The following TRIM5 variants were observed in gnomAD, a reference collection of about 807,000 sequenced individuals.
The protein encoded by TRIM5 is tripartite motif-containing protein 5.
A neutral mutation model predicts 35.6 loss-of-function variants in TRIM5; 31 were observed. The ratio of observed to expected loss-of-function variants is 0.87; its 90% CI spans 0.65 to 1.18. The LOEUF (loss-of-function observed/expected upper bound fraction) is 1.18, where lower values mean the gene tolerates loss of function less well. Among genes scored for constraint, TRIM5 ranks in the 50% most tolerant of loss-of-function variants. The pLI is 0.00. For synonymous variants in TRIM5, 243 were observed against 215.6 expected, an observed-to-expected ratio of 1.13 and a Z score of -1.11; for missense variants, 609 against 591.6, an observed-to-expected ratio of 1.03 and a Z score of -0.31.
the TRIM5 span, chr11:5,641,295 A>G: frequency 6.3e-7 from 1 of 1,581,308 alleles, no homozygotes; most frequent in Non-Finnish European, 8.6e-7. Flanking sequence ...CCAGAGTAGT[A>G]AAATTTGGAT....
At position 5,663,434 on chromosome 11, in the gene TRIM5, T is replaced by C. The variant is rs1411533084; in HGVS notation, c.*1375A>G. ...ACAGTAGTATCTGAGATCTAAAAAA[T>C]GAGAATTTAGTAAATCCAATCCTAG... On this transcript the variant is annotated 3_prime_UTR_variant, in exon 8 of 8. Coordinates refer to ENST00000380034, the MANE Select transcript of TRIM5 (RefSeq NM_033034.3). 1.1e-5 allele frequency: 11 copies of C among 985,028 alleles called. No homozygotes were observed. Among genetic ancestry groups the C allele is most frequent in the Non-Finnish European group, 1.2e-5 (10 of 829,688 alleles). The allele number at this position is 985,028 out of a possible 1,614,324, so 61.0% of individuals were successfully genotyped here. A position where few individuals can be genotyped will look rare whatever the true frequency, so the allele number is the denominator to read the frequency against.
chr11:5,654,235 C>A, the TRIM5 span, among the ~76,000 whole-genome samples: 1 of 146,678 alleles, frequency 6.8e-6, no homozygotes, highest in Admixed American at 6.7e-5. Context: ...TTTTTTGTTT[C>A]TTTTGTTCTT....
chr11:5,610,870 G>C, the TRIM5 span: 1 of 1,614,136 alleles, frequency 6.2e-7, no homozygotes, highest in Non-Finnish European at 8.5e-7. Context: ...AAAGTATCTG[G>C]ACCTTCCTGT....
At chr11:5,650,520 T>C in the TRIM5 span, among the ~76,000 whole-genome samples, 2 of 152,312 alleles carry the variant, frequency 1.3e-5, no homozygotes, top group South Asian at 4.1e-4. Context: ...CATCAACTGA[T>C]TGTAGATAAT....
In TRIM5 at chr11:5,679,848, C is replaced by A. The variant is rs1564924763; in HGVS notation, c.330G>T (p.Gly110=). Residue 110 remains glycine (G), a synonymous_variant, in exon 2 of 8, where the codon GGG becomes GGT. Transcript: ENST00000380034. ...GCTCACAAAGCCAGCAAATGACCTT[C>A]CCGTCCTCCTGACAGAAGAGTAGAA... The part of the protein sequence containing the change: ...EKLLLFCQED[G]KVICWLCERS... 5.0e-6 allele frequency: 8 copies of A among 1,613,694 alleles called. No individual in the cohort carries two copies. The highest frequency in any genetic ancestry group is 6.8e-6 in the Non-Finnish European group (8 of 1,179,954).
chr11:5,643,382 A>T, the TRIM5 span: 2 of 1,614,126 alleles, frequency 1.2e-6, no homozygotes, highest in Non-Finnish European at 1.7e-6. Context: ...TTGTTAGAAG[A>T]TGTGCAAATC....
chr11:5,628,511 G>A, the TRIM5 span, among the ~76,000 whole-genome samples: 1 of 152,134 alleles, frequency 6.6e-6, no homozygotes, highest in Non-Finnish European at 1.5e-5. Context: ...TCAACTTTCA[G>A]CTTTTTTTCC....
Position 5,678,280 on chromosome 11 carries a change from T to A in TRIM5, c.668A>T (p.Gln223Leu), listed in dbSNP as rs774429176. Residue 223 changes from glutamine to leucine, a missense_variant, in exon 4 of 8, where the codon CAG becomes CTG. Transcript: ENST00000380034. ...SLTNSETEMV[Q>L]QTQSLRELIS... ...GAGCTCTCTCAGGGACTGGGTCTGC[T>A]GCACCATCTCAGTTTCAGAGTTCGT... 127 of 1,614,088 alleles carry A rather than the reference T, an allele frequency of 7.9e-5. No individual in the cohort carries two copies. The highest frequency in any genetic ancestry group is 1.0e-4 in the Non-Finnish European group (123 of 1,180,024).
Position 5,684,396 on chromosome 11 carries a change from T to G in TRIM5, c.-62+472A>C, listed in dbSNP as rs184706418. ...TTTCCCATTATCTTTGTAACCAATA[T>G]GAACTAGGGAAAGAACTCCATTTAC... On this transcript the variant is annotated intron_variant, in intron 1 of 7. Coordinates refer to ENST00000380034, the MANE Select transcript of TRIM5 (RefSeq NM_033034.3). 4.4e-4 allele frequency among the ~76,000 whole-genome samples: 60 copies of G among 135,954 alleles called. 1 individual carries two copies. The highest frequency in any genetic ancestry group is 7.4e-4 in the Non-Finnish European group (46 of 62,450). 89.2% of individuals were successfully genotyped at this position (135,954 alleles called of 152,430 possible).
At chr11:5,670,170 CTTTTTTTTTTT>C (rs3060972) in intron 4 of TRIM5, among the ~76,000 whole-genome samples, 1 of 60,210 alleles carries the variant, frequency 1.7e-5, no homozygotes, top group Non-Finnish European at 2.8e-5. Flanking sequence ...AGATGCCCAT[CTTTTTTTTTTT>C]TTTTTTTTTT....
intron 6 of TRIM5, 96 bp downstream of exon 6, chr11:5,665,885 C>T: frequency 1.5e-6 from 2 of 1,342,924 alleles, no homozygotes; most frequent in Non-Finnish European, 2.0e-6. Context: ...TCCCCTATCC[C>T]CTCTATCCAT....
the TRIM5 span, among the ~76,000 whole-genome samples, chr11:5,592,486 T>A: frequency 6.6e-6 from 1 of 152,166 alleles, no homozygotes; most frequent in Non-Finnish European, 1.5e-5. Flanking sequence ...TTGGCAAAAC[T>A]GGTTCCAGAG....
chr11:5,607,183 G>A, the TRIM5 span, among the ~76,000 whole-genome samples: 1 of 151,934 alleles, frequency 6.6e-6, no homozygotes, highest in African/African-American at 2.4e-5. Flanking sequence ...CAGCCTGGGC[G>A]ACAGAGCAAG....
At chr11:5,628,880 A>G in the TRIM5 span, among the ~76,000 whole-genome samples, 16 of 152,134 alleles carry the variant, frequency 1.1e-4, no homozygotes, top group Admixed American at 9.8e-4. Flanking sequence ...GTTTCTAGCA[A>G]ACCTCGGCAT....
the TRIM5 span, chr11:5,634,645 T>G: frequency 1.2e-6 from 2 of 1,612,766 alleles, no homozygotes; most frequent in Non-Finnish European, 1.7e-6. Flanking sequence ...AGGTACAAAC[T>G]GAGAGACAAA....
the TRIM5 span, among the ~76,000 whole-genome samples, chr11:5,625,621 G>A: frequency 2.0e-5 from 3 of 152,162 alleles, no homozygotes; most frequent in East Asian, 1.9e-4. Flanking sequence ...CCATCCTCAC[G>A]TATTCTTAGT....
intron 4 of TRIM5, among the ~76,000 whole-genome samples, 165 bp from the exon 5 acceptor site, chr11:5,667,876 T>G (rs1463190361): frequency 6.6e-6 from 1 of 152,136 alleles, no homozygotes; most frequent in East Asian, 1.9e-4. Context: ...CCCAGAAGAC[T>G]CATGTGAGAT....
At chr11:5,606,706 C>T in the TRIM5 span, among the ~76,000 whole-genome samples, 7 of 152,076 alleles carry the variant, frequency 4.6e-5, no homozygotes, top group African/African-American at 7.2e-5. Context: ...CCTCAACAGT[C>T]CTCAAACTGT....
chr11:5,662,032 T>C (rs994013998), downstream of TRIM5, among the ~76,000 whole-genome samples: 3 of 152,178 alleles, frequency 2.0e-5, no homozygotes, highest in Admixed American at 6.5e-5. Context: ...AAAGCCTCAA[T>C]CTTCATAGCA....
Sources: gnomAD v4.1 joint callset for allele counts (sites outside exome capture counted in the v4.1 genomes callset) on GRCh38, gnomAD v4.1.1 for gene constraint, MANE v1.5 for transcripts, NCBI Gene and HGNC (gene_info 2026-07-23, HGNC 2026-07-21) for gene names.